The following HNRNPH1 variants were observed in gnomAD, a reference collection of about 807,000 sequenced individuals.
The protein encoded by HNRNPH1 is heterogeneous nuclear ribonucleoprotein H.
In HNRNPH1, 4 loss-of-function variants were observed where a neutral mutation model predicts 58.6. That is an observed-to-expected ratio of 0.07 (90% CI 0.03 to 0.16). The LOEUF is 0.16. HNRNPH1 is among the 10% of genes least tolerant of loss of function. The pLI is 1.00. For missense variants in HNRNPH1, 271 were observed against 564.2 expected (o/e 0.48, Z 5.26); for synonymous variants, 192 against 189.2 (o/e 1.01, Z -0.12).
At chr5:179,625,631 C>G (rs1774319411), upstream of HNRNPH1, among the ~76,000 whole-genome samples, 2 of 148,560 alleles carry the variant, frequency 1.3e-5, no homozygotes, top group African/African-American at 5.0e-5. Context: ...TGCACTCCAG[C>G]CTGGGCAATA....
intron 2 of HNRNPH1, among the ~76,000 whole-genome samples, chr5:179,631,057 T>C (rs1774791470): frequency 6.6e-6 from 1 of 152,114 alleles, no homozygotes. Context: ...AGGGAAGCTT[T>C]AGAAAACAAT....
At chr5:179,630,520 A>G (rs944745319) in intron 2 of HNRNPH1, among the ~76,000 whole-genome samples, 5 of 152,230 alleles carry the variant, frequency 3.3e-5, no homozygotes, top group African/African-American at 1.2e-4. Flanking sequence ...AGAGTAATTA[A>G]GAGAGCTGGA....
rs577849030 is a variant in HNRNPH1 at position 179,622,973 on chromosome 5, G to GCCGC, written c.97+60_97+63dup. The GCCGC allele has an allele frequency of 5.1e-3, 889 of 174,646 alleles. 13 individuals carry two copies. The highest frequency in any genetic ancestry group is 0.038 in the African/African-American group (841 of 22,062). The allele number at this position is 174,646 out of a possible 1,614,324, so 10.8% of individuals were successfully genotyped here. On this transcript the variant is annotated intron_variant, in intron 1 of 12. Coordinates refer to ENST00000356731, the Ensembl canonical transcript of HNRNPH1. ...CCCCGCCCCGCCCCGCCCCAGCCCG[G>GCCGC]CCGCCCGCCAGCCCGCCCGCCCCGG...
At chr5:179,615,046 G>A in intron 12 of HNRNPH1, 87 bp from the exon 14 acceptor site, 2 of 835,928 alleles carry the variant, frequency 2.4e-6, no homozygotes, top group Non-Finnish European at 4.0e-6. Context: ...AGTTTAAAAA[G>A]TATACGAGTA....
At chr5:179,618,106 G>T in intron 5 of HNRNPH1, 39 bp downstream of exon 6, 2 of 1,612,512 alleles carry the variant, frequency 1.2e-6, no homozygotes, top group Non-Finnish European at 1.7e-6. Flanking sequence ...CTAGACAAAG[G>T]AACAGACGAC....
At chr5:179,621,195 A>G (rs1329479789) in intron 2 of HNRNPH1, 47 bp downstream of exon 3, 6 of 1,577,814 alleles carry the variant, frequency 3.8e-6, no homozygotes, top group African/African-American at 2.7e-5. Context: ...TGAGACCTCT[A>G]TTGTTTAATG....
At chr5:179,616,586 C>T in intron 10 of HNRNPH1, 1 of 514,224 alleles carries the variant, frequency 1.9e-6, no homozygotes, top group Non-Finnish European at 3.4e-6. Context: ...TTATCTTAAT[C>T]CTGTTTTGCT....
chr5:179,615,613 A>T lies in HNRNPH1; in HGVS notation c.1301-18T>A. The T allele has an allele frequency of 6.9e-7, 1 of 1,457,632 alleles. No individual in the cohort carries two copies. Among genetic ancestry groups the T allele is most frequent in the Non-Finnish European group, 9.6e-7 (1 of 1,043,546 alleles). The allele number at this position is 1,457,632 out of a possible 1,614,324, so 90.3% of individuals were successfully genotyped here. On this transcript the variant is annotated intron_variant, in intron 11 of 12. Transcript: ENST00000356731. ...AACTTGGTCTGCAAAAGGATTTTGT[A>T]GGGTAAGACTATAATACCAAAATCA... is the stretch of plus-strand genomic sequence containing the variant.
At position 179,617,123 on chromosome 5, in the gene HNRNPH1, A is replaced by G; in HGVS notation, c.1058-13T>C. Reference sequence around the variant, plus strand: ...ACATATCTGTGTTCTGAAATGAGAAAAAAAAAGTTTGAAAATGTTTGTTGG... The same window carrying G: ...ACATATCTGTGTTCTGAAATGAGAAGAAAAAAGTTTGAAAATGTTTGTTGG... On this transcript the variant is annotated splice_polypyrimidine_tract_variant and intron_variant, in intron 8 of 12. Coordinates refer to ENST00000356731, the Ensembl canonical transcript of HNRNPH1. 6.2e-7 allele frequency: 1 copy of G among 1,611,652 alleles called. No individual in the cohort carries two copies. Among genetic ancestry groups the G allele is most frequent in the Non-Finnish European group, 8.5e-7 (1 of 1,179,172 alleles).
At chr5:179,622,482 G>C (rs902454119) in intron 1 of HNRNPH1, among the ~76,000 whole-genome samples, 3 of 152,164 alleles carry the variant, frequency 2.0e-5, no homozygotes, top group African/African-American at 7.2e-5. Context: ...AAACCGAGGT[G>C]GGCGGATCAC....
intron 1 of HNRNPH1, 189 bp from the exon 3 acceptor site, chr5:179,621,586 T>G: frequency 1.7e-6 from 1 of 584,650 alleles, no homozygotes; most frequent in Non-Finnish European, 3.0e-6. Context: ...TAAGGTGATA[T>G]ATTTCCAACC....
intron 2 of HNRNPH1, among the ~76,000 whole-genome samples, chr5:179,630,611 G>C (rs77144811): frequency 0.11 from 16,421 of 152,054 alleles, 983 homozygotes; most frequent in African/African-American, 0.14. Flanking sequence ...GCTATTTGCA[G>C]TATAAATGCA....
At chr5:179,624,827 G>C (rs1774205348), upstream of HNRNPH1, among the ~76,000 whole-genome samples, 1 of 152,228 alleles carries the variant, frequency 6.6e-6, no homozygotes, top group African/African-American at 2.4e-5. Flanking sequence ...GCAAGCCTGA[G>C]TGCCACCCTG....
At chr5:179,626,381 A>G (rs981424411), upstream of HNRNPH1, among the ~76,000 whole-genome samples, 1 of 151,830 alleles carries the variant, frequency 6.6e-6, no homozygotes, top group African/African-American at 2.4e-5. Flanking sequence ...CTGAGATTAC[A>G]AGCATGAGCC....
At chr5:179,621,078 TAA>T (rs1562292316) in intron 2 of HNRNPH1, 43 bp from the exon 4 acceptor site, 1 of 1,601,780 alleles carries the variant, frequency 6.2e-7, no homozygotes, top group Admixed American at 1.7e-5. Context: ...GAAAATTAGA[TAA>T]CAAAGTTCAG....
At chr5:179,621,440 A>AC in intron 1 of HNRNPH1, 43 bp from the exon 3 acceptor site, 5 of 1,571,182 alleles carry the variant, frequency 3.2e-6, no homozygotes, top group Non-Finnish European at 4.4e-6. Context: ...AAAACCTAAA[A>AC]CCACCTCTGG....
At chr5:179,616,268 C>T in intron 10 of HNRNPH1, 50 bp from the exon 12 acceptor site, 1 of 1,376,976 alleles carries the variant, frequency 7.3e-7, no homozygotes, top group Non-Finnish European at 1.0e-6. Context: ...TGATGTGGTA[C>T]CTGGTGGTAC....
intron 1 of HNRNPH1, among the ~76,000 whole-genome samples, chr5:179,622,268 G>T (rs1002842796): frequency 1.3e-5 from 2 of 152,146 alleles, no homozygotes; most frequent in African/African-American, 4.8e-5. Context: ...ACTTTCCGAA[G>T]AATGCTCCTT....
intron 11 of HNRNPH1, 113 bp from the exon 13 acceptor site, chr5:179,615,708 C>A: frequency 1.7e-6 from 1 of 583,456 alleles, no homozygotes; most frequent in Non-Finnish European, 3.1e-6. Context: ...TAAATACGAT[C>A]CTGAACCCAA....
Sources: gnomAD v4.1 joint callset for allele counts (sites outside exome capture counted in the v4.1 genomes callset) on GRCh38, gnomAD v4.1.1 for gene constraint, MANE v1.5 for transcripts, NCBI Gene and HGNC (gene_info 2026-07-23, HGNC 2026-07-21) for gene names.